The following NBR1 variants were observed in gnomAD, a reference collection of about 807,000 sequenced individuals.
NBR1 encodes next to BRCA1 gene 1 protein.
NBR1 carries 59 observed loss-of-function variants against 115.5 expected under a neutral mutation model. That is an observed-to-expected ratio of 0.51 (90% confidence interval 0.41 to 0.63). The LOEUF is 0.63. NBR1 is among the 30% of genes least tolerant of loss of function. The pLI, the probability that NBR1 is intolerant of heterozygous loss-of-function variation, is 0.00. For synonymous variants in NBR1, 373 were observed against 414.7 expected, an observed-to-expected ratio of 0.90 and a Z score of 1.22; for missense variants, 1,043 against 1,150.5, an observed-to-expected ratio of 0.91 and a Z score of 1.35.
At chr17:43,171,791 A>G (rs1481529240) in intron 1 of NBR1, among the ~76,000 whole-genome samples, 1 of 152,250 alleles carries the variant, frequency 6.6e-6, no homozygotes, top group Middle Eastern at 3.4e-3. Context: ...TTTTTGTCAA[A>G]CACTCAGCTT....
rs764131391 is a variant in NBR1 at position 43,193,256 on chromosome 17, A to C, written c.1233+3A>C. 1.2e-6 allele frequency: 2 copies of C among 1,613,858 alleles called. No homozygotes were observed. Among genetic ancestry groups the C allele is most frequent in the Non-Finnish European group, 1.7e-6 (2 of 1,179,792 alleles). ...TAAAGTGGAGTGCAGACACAAAGGT[A>C]ATTTTTCCCACAAAATGCAAAGATG... On this transcript the variant is annotated splice_donor_region_variant and intron_variant, in intron 11 of 20. Transcript: ENST00000590996.
chr17:43,175,732 C>T (rs1318690336), intron 1 of NBR1, 59 bp from the exon 2 acceptor site: 2 of 785,324 alleles, frequency 2.5e-6, no homozygotes, highest in Non-Finnish European at 2.1e-6. Flanking sequence ...TTTAGTGCAA[C>T]TTATAGAACC....
intron 6 of NBR1, 80 bp from the exon 7 acceptor site, chr17:43,188,962 C>A: frequency 9.9e-7 from 1 of 1,005,446 alleles, no homozygotes; most frequent in Non-Finnish European, 1.6e-6. Context: ...ACAAAAGAAA[C>A]CTCAAAATAA....
rs2057164876 is a variant in NBR1, at chr17:43,200,245, T to TGGAGGAGGAGGAGGATGAGGAGGATGA, written c.2118_2144dup (p.Glu706_Glu714dup). On this transcript the variant is annotated inframe_insertion, in exon 17 of 21. Coordinates refer to ENST00000590996, the MANE Select transcript of NBR1 (RefSeq NM_005899.5). The stretch of plus-strand genomic sequence containing the variant: ...CATATCGCTGAGGAAGAAGCTGTCA[T>TGGAGGAGGAGGAGGATGAGGAGGATGA]GGAGGAGGAGGAGGATGAGGAGGAT... The TGGAGGAGGAGGAGGATGAGGAGGATGA allele has an allele frequency of 1.3e-6, 2 of 1,550,884 alleles. No homozygotes were observed. The highest frequency in any genetic ancestry group is 1.7e-6 in the Non-Finnish European group (2 of 1,146,378).
At chr17:43,195,852 G>C (rs1031631431) in intron 14 of NBR1, 1 of 152,228 alleles carries the variant, frequency 6.6e-6, no homozygotes, top group Admixed American at 6.6e-5. Flanking sequence ...GGCTGGGCAC[G>C]GTAGCTCACG....
intron 20 of NBR1, among the ~76,000 whole-genome samples, chr17:43,205,616 C>T (rs2057298969): frequency 6.6e-6 from 1 of 152,078 alleles, no homozygotes; most frequent in South Asian, 2.1e-4. Context: ...GTGGCTCACA[C>T]CTGTAATCCC....
intron 5 of NBR1, among the ~76,000 whole-genome samples, chr17:43,185,348 C>T (rs1197184284): frequency 1.3e-5 from 2 of 152,146 alleles, no homozygotes; most frequent in Admixed American, 6.6e-5. Context: ...CCAAGGTGGG[C>T]GGAGCCCGGG....
chr17:43,181,888 G>A (rs925265998), intron 5 of NBR1, among the ~76,000 whole-genome samples: 1 of 149,324 alleles, frequency 6.7e-6, no homozygotes, highest in African/African-American at 2.6e-5. Context: ...GGAGGCCAAG[G>A]CAGGAGAATC....
chr17:43,177,155 T>C (rs33918839), intron 2 of NBR1, among the ~76,000 whole-genome samples: 47,968 of 151,086 alleles, frequency 0.32, 7,964 homozygotes, highest in South Asian at 0.49. Context: ...CACCTGTGGT[T>C]CCAGCTACTC....
intron 2 of NBR1, chr17:43,176,685 T>G (rs1765897012): frequency 6.6e-6 from 1 of 152,108 alleles, no homozygotes; most frequent in Non-Finnish European, 1.5e-5. Context: ...AAGATTGGAT[T>G]CAGAAAGAAG....
In NBR1 at chr17:43,186,422, C is replaced by A. The variant is rs184295724; in HGVS notation, c.380C>A (p.Thr127Asn). The A allele has an allele frequency of 2.9e-3, 4,677 of 1,591,522 alleles. 14 individuals carry two copies. The highest frequency in any genetic ancestry group is 3.1e-3 in the Non-Finnish European group (3,664 of 1,171,224). ...AGAGTCTTGGGATCAGACATGAAGA[C>A]CCCAGAGGATCCTGCAGTGCAGGTA... is the stretch of plus-strand genomic sequence containing the variant. ...LVRVLGSDMK[T>N]PEDPAVQSFP... is the part of the protein sequence containing the mutation. The change falls in exon 6 of 21, where the codon ACC becomes AAC. Residue 127 changes from threonine to asparagine, a missense_variant. Thr to Asn is a moderately conservative substitution (Grantham distance 65, BLOSUM62 0). Transcript: ENST00000590996.
intron 16 of NBR1, among the ~76,000 whole-genome samples, chr17:43,198,059 T>C (rs1337953893): frequency 6.6e-6 from 1 of 151,818 alleles, no homozygotes; most frequent in Non-Finnish European, 1.5e-5. Context: ...TCCCAGGTAC[T>C]TGGGAGGCTG....
At chr17:43,187,032 C>T (rs953932935) in intron 6 of NBR1, among the ~76,000 whole-genome samples, 1 of 152,068 alleles carries the variant, frequency 6.6e-6, no homozygotes, top group Non-Finnish European at 1.5e-5. Flanking sequence ...TGGGTATATA[C>T]CCGGTAATGG....
At chr17:43,203,482 C>T (rs575554833) in intron 19 of NBR1, among the ~76,000 whole-genome samples, 199 bp from the exon 20 acceptor site, 1 of 152,312 alleles carries the variant, frequency 6.6e-6, no homozygotes, top group East Asian at 1.9e-4. Flanking sequence ...CCCTATCTTG[C>T]TTGCACCAGT....
At position 43,201,961 on chromosome 17, in the gene NBR1, T is replaced by C. The variant is rs150664190; in HGVS notation, c.2563+181T>C. 4.0e-3 allele frequency among the ~76,000 whole-genome samples: 603 copies of C among 152,028 alleles called. 5 individuals are homozygous for C. The highest frequency in any genetic ancestry group is 0.014 in the African/African-American group (580 of 41,462). On this transcript the variant is annotated intron_variant, in intron 18 of 20. Coordinates refer to ENST00000590996, the MANE Select transcript of NBR1 (RefSeq NM_005899.5). ...TTGGGAGGCCAAGGCAGGCGGATCATAGGGTCAGGAGTTCGAGACCAGCCT... is the reference window on the plus strand; with the variant it reads ...TTGGGAGGCCAAGGCAGGCGGATCACAGGGTCAGGAGTTCGAGACCAGCCT...
At chr17:43,176,006 G>C in intron 2 of NBR1, 105 bp downstream of exon 2, 1 of 652,564 alleles carries the variant, frequency 1.5e-6, no homozygotes, top group Non-Finnish European at 2.6e-6. Context: ...GTCTGTCATA[G>C]TTACCATTTC....
chr17:43,196,685 G>GT (rs2154582293), intron 15 of NBR1, 94 bp downstream of exon 15: 1 of 1,004,678 alleles, frequency 1.0e-6, no homozygotes, highest in East Asian at 2.6e-5. Flanking sequence ...ACCTTAGCAT[G>GT]TAAATGGGCT....
chr17:43,175,112 A>G (rs1183915961), intron 1 of NBR1, among the ~76,000 whole-genome samples: 2 of 152,184 alleles, frequency 1.3e-5, no homozygotes, highest in Non-Finnish European at 2.9e-5. Context: ...AAATAAATAA[A>G]TAAATAAAAT....
chr17:43,182,748 G>C (rs2056704150), intron 5 of NBR1, among the ~76,000 whole-genome samples: 1 of 151,600 alleles, frequency 6.6e-6, no homozygotes, highest in African/African-American at 2.4e-5. Context: ...CTCAGATGTA[G>C]TTACCCATTG....
Sources: gnomAD v4.1 joint callset for allele counts (sites outside exome capture counted in the v4.1 genomes callset) on GRCh38, gnomAD v4.1.1 for gene constraint, MANE v1.5 for transcripts, NCBI Gene and HGNC (gene_info 2026-07-23, HGNC 2026-07-21) for gene names.